Variants in IFI16 observed in about 807,000 individuals in gnomAD.
The protein encoded by IFI16 is gamma-interferon-inducible protein 16.
IFI16 carries 49 observed loss-of-function variants against 68.4 expected under a neutral mutation model. That is an observed-to-expected ratio of 0.72 (90% CI 0.57 to 0.91). The LOEUF (loss-of-function observed/expected upper bound fraction) is 0.91. Among genes scored for constraint, IFI16 ranks in the 40% least tolerant of loss-of-function variants. The pLI is 0.00. For synonymous variants in IFI16, 307 were observed against 315.0 expected, an observed-to-expected ratio of 0.97 and a Z score of 0.27; for missense variants, 878 against 942.9, an observed-to-expected ratio of 0.93 and a Z score of 0.90.
chr1:159,014,126 A>G (rs950052287), intron 1 of IFI16, among the ~76,000 whole-genome samples: 3 of 152,226 alleles, frequency 2.0e-5, no homozygotes, highest in Non-Finnish European at 4.4e-5. Context: ...TCTAGCACCA[A>G]AGAAGGGAGG....
chr1:159,039,009 GCTT>G (rs1429458263), intron 7 of IFI16, among the ~76,000 whole-genome samples: 1 of 152,126 alleles, frequency 6.6e-6, no homozygotes, highest in African/African-American at 2.4e-5. Flanking sequence ...GATGAGAATG[GCTT>G]CTATCACTTT....
chr1:159,018,672 C>T (rs775102736), intron 5 of IFI16, 21 bp downstream of exon 5: 15 of 1,537,618 alleles, frequency 9.8e-6, no homozygotes, highest in East Asian at 6.8e-5. Flanking sequence ...AAAATTGTTT[C>T]GTTTCATTTT....
chr1:159,003,924 T>A (rs1652155787), upstream of IFI16, among the ~76,000 whole-genome samples: 1 of 152,108 alleles, frequency 6.6e-6, no homozygotes, highest in African/African-American at 2.4e-5. Flanking sequence ...CCTCCCAAAG[T>A]GCTGGGATTA....
chr1:159,030,876 T>TAGG (rs60567074), intron 6 of IFI16, among the ~76,000 whole-genome samples: 60 of 148,582 alleles, frequency 4.0e-4, no homozygotes, highest in Middle Eastern at 3.4e-3. Flanking sequence ...AGGTGGTGGG[T>TAGG]GGGGGGGCCA....
At chr1:159,001,609 G>T (rs1478322123), upstream of IFI16, among the ~76,000 whole-genome samples, 1 of 152,088 alleles carries the variant, frequency 6.6e-6, no homozygotes, top group Non-Finnish European at 1.5e-5. Flanking sequence ...TGAAAGAAAA[G>T]AAGGAAATTT....
intron 7 of IFI16, among the ~76,000 whole-genome samples, chr1:159,037,119 T>C (rs1408954851): frequency 6.6e-6 from 1 of 152,216 alleles, no homozygotes; most frequent in Non-Finnish European, 1.5e-5. Context: ...AAATTGGACA[T>C]CCCAGGACAG....
At chr1:159,023,857 T>C (rs72704983) in intron 6 of IFI16, among the ~76,000 whole-genome samples, 5,139 of 152,318 alleles carry the variant, frequency 0.034, 112 homozygotes, top group Non-Finnish European at 0.046. Context: ...ACTCTTGCCG[T>C]GAGAGGCACA....
chr1:159,045,416 C>T lies in IFI16; in HGVS notation c.1449C>T (p.His483=), dbSNP rs760481753. ...TSIGPAESHP[H]TPQMPPSTPS... Reference sequence around the variant, plus strand: ...TAGGCCCAGCTGAGAGCCATCCCCACACTCCTCAGATGCCTCCATCAACAC... The same window carrying T: ...TAGGCCCAGCTGAGAGCCATCCCCATACTCCTCAGATGCCTCCATCAACAC... Residue 483 remains histidine, a synonymous_variant, in exon 8 of 12, where the codon CAC becomes CAT. Transcript: ENST00000295809. The T allele has an allele frequency of 1.3e-6, 2 of 1,580,312 alleles. No homozygotes were observed. The highest frequency in any genetic ancestry group is 1.9e-5 in the Admixed American group (1 of 53,634).
intron 7 of IFI16, among the ~76,000 whole-genome samples, chr1:159,044,040 CT>C (rs1654828020): frequency 6.6e-6 from 1 of 152,112 alleles, no homozygotes; most frequent in Admixed American, 6.5e-5. Context: ...ATGCAAACCC[CT>C]AATAGATCGT....
intron 5 of IFI16, among the ~76,000 whole-genome samples, chr1:159,019,750 C>A (rs888241269): frequency 1.3e-5 from 2 of 152,068 alleles, no homozygotes; most frequent in Non-Finnish European, 1.5e-5. Context: ...TGAGCCATTG[C>A]GCATGGCCTA....
intron 1 of IFI16, among the ~76,000 whole-genome samples, chr1:159,011,209 C>A (rs1274660391): frequency 6.6e-6 from 1 of 152,030 alleles, no homozygotes; most frequent in Non-Finnish European, 1.5e-5. Flanking sequence ...CATGGCGAAA[C>A]CCTGTCTCTA....
At chr1:159,054,337 TAGAA>T (rs1207497382) in intron 11 of IFI16, among the ~76,000 whole-genome samples, 2 of 152,188 alleles carry the variant, frequency 1.3e-5, no homozygotes, top group African/African-American at 4.8e-5. Flanking sequence ...AGGCTAATAT[TAGAA>T]GGCAAATAGT....
chr1:159,028,522 T>G (rs1653805788), intron 6 of IFI16, among the ~76,000 whole-genome samples: 7 of 152,214 alleles, frequency 4.6e-5, no homozygotes. Flanking sequence ...AAATATCTGT[T>G]AAGTCCATTT....
upstream of IFI16, among the ~76,000 whole-genome samples, chr1:159,002,332 A>G (rs995438953): frequency 6.6e-5 from 10 of 152,208 alleles, no homozygotes; most frequent in Non-Finnish European, 1.2e-4. Context: ...AAGAAAGAAA[A>G]AAAAAACTAG....
rs1654576841 is a variant in IFI16, at chr1:159,040,683, G to A, written c.1330-4614G>A. Among the ~76,000 whole-genome samples the A allele has an allele frequency of 2.6e-5, 4 of 152,162 alleles. No homozygotes were observed. The South Asian group carries it at 8.3e-4, about 32-fold the overall frequency. On this transcript the variant is annotated intron_variant, in intron 7 of 11. Transcript: ENST00000295809. ...GCATGGAAAATGTGTGCATCAGGCA[G>A]AAATTCAAATCCTGCACAGGCCATT...
intron 7 of IFI16, among the ~76,000 whole-genome samples, chr1:159,034,514 T>C (rs998537423): frequency 6.6e-6 from 1 of 152,242 alleles, no homozygotes; most frequent in African/African-American, 2.4e-5. Flanking sequence ...ACTTCGTTCA[T>C]GACCACATTC....
intron 1 of IFI16, among the ~76,000 whole-genome samples, chr1:159,013,451 A>G (rs1652714822): frequency 6.6e-6 from 1 of 152,146 alleles, no homozygotes; most frequent in Non-Finnish European, 1.5e-5. Flanking sequence ...TACAGGCGTG[A>G]GCCACTGCGC....
intron 2 of IFI16, 24 bp downstream of exon 2, chr1:159,014,969 A>C: frequency 6.4e-7 from 1 of 1,569,730 alleles, no homozygotes; most frequent in Non-Finnish European, 8.6e-7. Flanking sequence ...GGGAACACCC[A>C]CTCCCTGCAA....
intron 7 of IFI16, among the ~76,000 whole-genome samples, chr1:159,044,131 T>G (rs1654834760): frequency 6.6e-6 from 1 of 152,178 alleles, no homozygotes; most frequent in Non-Finnish European, 1.5e-5. Context: ...TTGTGCACAT[T>G]ACCTAAATTA....
Sources: allele counts gnomAD v4.1 joint callset (sites outside exome capture counted in the v4.1 genomes callset), GRCh38; gene constraint gnomAD v4.1.1; transcripts MANE v1.5; gene names NCBI Gene and HGNC (gene_info 2026-07-23, HGNC 2026-07-21).